USP15: variants seen among roughly 807,000 people sequenced by gnomAD.
The protein encoded by USP15 is ubiquitin specific peptidase 15.
A neutral mutation model predicts 127.1 loss-of-function variants in USP15; 18 were observed. The observed-to-expected ratio is 0.14, with a 90% CI of 0.10 to 0.21. The LOEUF (loss-of-function observed/expected upper bound fraction) is 0.21, where lower values mean the gene tolerates loss of function less well. USP15 is among the 10% of genes least tolerant of loss of function. USP15 has a pLI of 1.00. For synonymous variants in USP15, 364 were observed against 393.7 expected (o/e 0.92, Z 0.89); for missense variants, 805 against 1,159.9 (o/e 0.69, Z 4.44).
At chr12:62,395,893 C>T (rs534009167) in intron 19 of USP15, among the ~76,000 whole-genome samples, 1 of 152,038 alleles carries the variant, frequency 6.6e-6, no homozygotes, top group Non-Finnish European at 1.5e-5. Flanking sequence ...AGCCATTTAT[C>T]TGTTGATAGA....
At chr12:62,333,984 A>C (rs1300575421) in intron 6 of USP15, 2 of 152,194 alleles carry the variant, frequency 1.3e-5, no homozygotes, top group African/African-American at 4.8e-5. Context: ...TTAGGGATAC[A>C]TACATACTGT....
intron 6 of USP15, among the ~76,000 whole-genome samples, chr12:62,337,779 G>C (rs565751505): frequency 3.3e-5 from 5 of 152,042 alleles, no homozygotes; most frequent in African/African-American, 1.2e-4. Context: ...ATGGTTTCCA[G>C]CTTCACCCAT....
chr12:62,317,449 T>G (rs1428337212), intron 4 of USP15, among the ~76,000 whole-genome samples: 1 of 152,028 alleles, frequency 6.6e-6, no homozygotes, highest in Admixed American at 6.6e-5. Context: ...TAAACTAGAG[T>G]CTCATCTCTC....
At chr12:62,360,690 G>GA (rs1463659844) in intron 8 of USP15, among the ~76,000 whole-genome samples, 1 of 151,846 alleles carries the variant, frequency 6.6e-6, no homozygotes, top group East Asian at 1.9e-4. Context: ...ATCGTAAAAG[G>GA]AAAAACCTCA....
chr12:62,394,042 A>G (rs2137632976), intron 19 of USP15, among the ~76,000 whole-genome samples: 1 of 152,356 alleles, frequency 6.6e-6, no homozygotes, highest in South Asian at 2.1e-4. Context: ...CTATGGCCAT[A>G]CCACCTTGAA....
chr12:62,297,397 C>A (rs1314976987), intron 2 of USP15, among the ~76,000 whole-genome samples: 2 of 151,988 alleles, frequency 1.3e-5, no homozygotes, highest in South Asian at 2.1e-4. Context: ...CAGATAGGAA[C>A]AAAGGAAGAG....
chr12:62,322,001 G>C (rs144042740), intron 5 of USP15, among the ~76,000 whole-genome samples: 5 of 152,144 alleles, frequency 3.3e-5, no homozygotes, highest in Admixed American at 1.3e-4. Context: ...ACAAAAACAA[G>C]CATAGATGAT....
At chr12:62,365,491 AT>A (rs2066447692) in intron 8 of USP15, among the ~76,000 whole-genome samples, 1 of 152,076 alleles carries the variant, frequency 6.6e-6, no homozygotes, top group African/African-American at 2.4e-5. Context: ...ATTTTCTCCC[AT>A]TCTGTAGGTT....
intron 7 of USP15, among the ~76,000 whole-genome samples, chr12:62,351,493 A>G (rs1046023749): frequency 3.3e-5 from 5 of 151,832 alleles, no homozygotes. Flanking sequence ...TTAACATTGT[A>G]TATAGACTAT....
chr12:62,379,152 C>T (rs538577487), intron 8 of USP15, among the ~76,000 whole-genome samples: 1 of 150,908 alleles, frequency 6.6e-6, no homozygotes, highest in East Asian at 1.9e-4. Flanking sequence ...AGGGAGGCTT[C>T]CCAGATAGGA....
chr12:62,336,137 C>T (rs777183822), intron 6 of USP15: 2 of 985,372 alleles, frequency 2.0e-6, no homozygotes, highest in Middle Eastern at 5.2e-4. Context: ...GTCAGAAGAC[C>T]TCTTTTATCA....
intron 6 of USP15, chr12:62,335,754 A>T: frequency 1.0e-6 from 1 of 985,310 alleles, no homozygotes; most frequent in South Asian, 4.7e-5. Context: ...GCTATACTTA[A>T]TGTTGCTTGC....
At chr12:62,316,898 A>G (rs1273800394) in intron 4 of USP15, among the ~76,000 whole-genome samples, 2 of 152,296 alleles carry the variant, frequency 1.3e-5, no homozygotes, top group South Asian at 2.1e-4. Flanking sequence ...TTTAATCAAC[A>G]TATATACTAA....
At chr12:62,263,169 G>A (rs2063113357) in intron 1 of USP15, among the ~76,000 whole-genome samples, 1 of 152,132 alleles carries the variant, frequency 6.6e-6, no homozygotes, top group Admixed American at 6.5e-5. Flanking sequence ...TCACTAGAAA[G>A]TTGTTTTTCC....
chr12:62,265,341 G>C (rs1223778957), intron 1 of USP15, among the ~76,000 whole-genome samples: 1 of 152,116 alleles, frequency 6.6e-6, no homozygotes, highest in Non-Finnish European at 1.5e-5. Context: ...CTATGTGCCA[G>C]GTACTGTTAT....
chr12:62,260,516 G>C lies in USP15; in HGVS notation c.89+13G>C. On this transcript the variant is annotated intron_variant, in intron 1 of 21. Coordinates refer to ENST00000280377, the MANE Select transcript of USP15 (RefSeq NM_001252078.2). Reference sequence around the variant, plus strand: ...AAGGGGACACCTGGTAAGAGAAAGGGGTTGAGATGCCCGCGGTTGCCCGAG... The same window carrying C: ...AAGGGGACACCTGGTAAGAGAAAGGCGTTGAGATGCCCGCGGTTGCCCGAG... 1 of 1,550,310 alleles carries C rather than the reference G, an allele frequency of 6.5e-7. No homozygotes were observed. The highest frequency in any genetic ancestry group is 8.7e-7 in the Non-Finnish European group (1 of 1,146,508).
intron 7 of USP15, among the ~76,000 whole-genome samples, chr12:62,351,529 A>G (rs1025781803): frequency 1.3e-5 from 2 of 151,970 alleles, no homozygotes; most frequent in Non-Finnish European, 2.9e-5. Flanking sequence ...TATTTTGACC[A>G]GAATTACCAT....
chr12:62,404,490 G>A lies in USP15; in HGVS notation c.*115G>A, dbSNP rs1422085855. 4 of 1,366,708 alleles carry A rather than the reference G, an allele frequency of 2.9e-6. No homozygotes were observed. Among genetic ancestry groups the A allele is most frequent in the African/African-American group, 1.5e-5 (1 of 67,772 alleles). The allele number at this position is 1,366,708 out of a possible 1,614,324, so 84.7% of individuals were successfully genotyped here. On this transcript the variant is annotated 3_prime_UTR_variant, in exon 22 of 22. Transcript: ENST00000280377. ...CTGAGATGGGGAGTTTCAGATAACC[G>A]AATGTAAATCCTTTATCAGATTTTA...
intron 1 of USP15, among the ~76,000 whole-genome samples, chr12:62,281,245 CTTCT>C (rs1424737901): frequency 1.3e-5 from 2 of 152,124 alleles, no homozygotes; most frequent in African/African-American, 4.8e-5. Context: ...CTTTCTTAGT[CTTCT>C]TTCTTGTCTA....
Sources: gnomAD v4.1 joint callset for allele counts (sites outside exome capture counted in the v4.1 genomes callset) on GRCh38, gnomAD v4.1.1 for gene constraint, MANE v1.5 for transcripts, NCBI Gene and HGNC (gene_info 2026-07-23, HGNC 2026-07-21) for gene names.